Variants in RABGAP1L observed in about 807,000 individuals in gnomAD.
RABGAP1L encodes rab GTPase-activating protein 1-like.
RABGAP1L carries 63 observed loss-of-function variants against 137.7 expected under a neutral mutation model. That is an observed-to-expected ratio of 0.46 (90% CI 0.37 to 0.56). RABGAP1L has a LOEUF of 0.56. Ranked by LOEUF, RABGAP1L falls within the 20% of genes least tolerant of loss-of-function variation. RABGAP1L has a pLI of 0.00. For synonymous variants in RABGAP1L, 431 were observed against 433.7 expected (o/e 0.99, Z 0.08); for missense variants, 1,095 against 1,244.0 (o/e 0.88, Z 1.80).
intron 1 of RABGAP1L, among the ~76,000 whole-genome samples, chr1:174,214,828 AAAAC>A (rs1669162152): frequency 6.6e-6 from 1 of 152,206 alleles, no homozygotes; most frequent in African/African-American, 2.4e-5. Context: ...ATCATGTACA[AAAAC>A]AAAATTAAAA....
chr1:174,437,094 G>A (rs1653445459), intron 13 of RABGAP1L, among the ~76,000 whole-genome samples: 1 of 152,100 alleles, frequency 6.6e-6, no homozygotes, highest in South Asian at 2.1e-4. Flanking sequence ...AAGACCAAAG[G>A]TAGATAAAAC....
At chr1:174,186,998 A>C (rs991586339) in intron 1 of RABGAP1L, among the ~76,000 whole-genome samples, 1 of 152,148 alleles carries the variant, frequency 6.6e-6, no homozygotes, top group Non-Finnish European at 1.5e-5. Context: ...TTCGAAATCT[A>C]CTTATCCTTA....
chr1:174,653,358 A>G (rs569581112), intron 14 of RABGAP1L, among the ~76,000 whole-genome samples: 217 of 152,180 alleles, frequency 1.4e-3, no homozygotes, highest in Non-Finnish European at 2.6e-3. Context: ...TCCTGCAGCT[A>G]GCTTGGTGTC....
chr1:174,413,238 T>C (rs1367802420), intron 13 of RABGAP1L, among the ~76,000 whole-genome samples: 2 of 152,182 alleles, frequency 1.3e-5, no homozygotes, highest in East Asian at 3.8e-4. Context: ...TTCCTCAACA[T>C]GGTCTCTTCT....
intron 13 of RABGAP1L, among the ~76,000 whole-genome samples, chr1:174,451,754 T>C (rs1000682241): frequency 2.0e-5 from 3 of 152,206 alleles, no homozygotes; most frequent in Non-Finnish European, 4.4e-5. Flanking sequence ...TCTTGTCTTG[T>C]GATATCTTTT....
At chr1:174,800,382 C>G (rs964422668) in intron 18 of RABGAP1L, 1 of 1,550,668 alleles carries the variant, frequency 6.4e-7, no homozygotes, top group Non-Finnish European at 8.7e-7. Flanking sequence ...CTCACACCTC[C>G]TGTCAAAAAG....
chr1:174,238,195 A>T (rs1254531986), intron 4 of RABGAP1L, among the ~76,000 whole-genome samples: 1 of 151,928 alleles, frequency 6.6e-6, no homozygotes, highest in Non-Finnish European at 1.5e-5. Flanking sequence ...AAAGTTTTCA[A>T]CTTCTTTGCC....
chr1:174,536,536 C>T (rs1664905824), intron 13 of RABGAP1L, among the ~76,000 whole-genome samples: 2 of 151,654 alleles, frequency 1.3e-5, no homozygotes, highest in South Asian at 2.1e-4. Context: ...GCTTTTTTTC[C>T]TTTAAAGAAA....
At chr1:174,632,033 G>A (rs1250997362) in intron 13 of RABGAP1L, among the ~76,000 whole-genome samples, 1 of 116,134 alleles carries the variant, frequency 8.6e-6, no homozygotes, top group Non-Finnish European at 1.8e-5. Context: ...GGCTGGTACC[G>A]GTTGTTCCTT....
chr1:174,494,655 A>G (rs1305129596), intron 13 of RABGAP1L, among the ~76,000 whole-genome samples: 1 of 152,190 alleles, frequency 6.6e-6, no homozygotes, highest in African/African-American at 2.4e-5. Flanking sequence ...AATTCCTAAC[A>G]GCCAAAATCT....
intron 19 of RABGAP1L, among the ~76,000 whole-genome samples, chr1:174,889,506 G>A (rs1159617143): frequency 1.3e-5 from 2 of 151,950 alleles, no homozygotes; most frequent in African/African-American, 4.8e-5. Flanking sequence ...CTGCAGCCTC[G>A]AACTCCTGGG....
chr1:174,556,504 C>G (rs1398836311), intron 13 of RABGAP1L, among the ~76,000 whole-genome samples: 2 of 152,110 alleles, frequency 1.3e-5, no homozygotes, highest in Non-Finnish European at 2.9e-5. Flanking sequence ...TTCCCTCTTC[C>G]CCATCCTGTA....
intron 13 of RABGAP1L, among the ~76,000 whole-genome samples, chr1:174,588,800 A>C (rs745326317): frequency 6.6e-6 from 1 of 152,118 alleles, no homozygotes; most frequent in African/African-American, 2.4e-5. Context: ...TTATGGCTGA[A>C]TAGTACTCCA....
chr1:174,888,383 C>T (rs774382408), intron 19 of RABGAP1L, among the ~76,000 whole-genome samples: 1 of 152,174 alleles, frequency 6.6e-6, no homozygotes, highest in African/African-American at 2.4e-5. Flanking sequence ...CTGATACTGT[C>T]TGAGACACAA....
chr1:174,902,495 T>A (rs766667159), intron 19 of RABGAP1L, among the ~76,000 whole-genome samples: 48 of 152,194 alleles, frequency 3.2e-4, no homozygotes, highest in Non-Finnish European at 3.8e-4. Context: ...TATATACAGA[T>A]GGATTTCCCA....
At position 174,765,019 on chromosome 1, in the gene RABGAP1L, G is replaced by A. The variant is rs188113876; in HGVS notation, c.2211+12665G>A. On this transcript the variant is annotated intron_variant, in intron 18 of 25. Coordinates refer to ENST00000681986, the MANE Select transcript of RABGAP1L (RefSeq NM_001366446.1). Reference sequence around the variant, plus strand: ...TGTCAATCTCATCTGTCCGTGTCAGGTAAACTACTGTCAATCTCATCTGTC... The same window carrying A: ...TGTCAATCTCATCTGTCCGTGTCAGATAAACTACTGTCAATCTCATCTGTC... Among the ~76,000 whole-genome samples, 7 of 152,174 alleles carry A rather than the reference G, an allele frequency of 4.6e-5. No homozygotes were observed. The East Asian group carries it at 5.8e-4, about 13-fold the overall frequency.
intron 18 of RABGAP1L, among the ~76,000 whole-genome samples, chr1:174,801,477 T>G (rs999664412): frequency 1.3e-5 from 2 of 152,230 alleles, no homozygotes; most frequent in Non-Finnish European, 2.9e-5. Context: ...TGTATTTACA[T>G]GCAAATATAA....
At position 174,355,055 on chromosome 1, in the gene RABGAP1L, T is replaced by C. The variant is rs757723993; in HGVS notation, c.1466-15924T>C. On this transcript the variant is annotated intron_variant, in intron 11 of 25. Transcript: ENST00000681986. The stretch of plus-strand genomic sequence containing the variant: ...TCAACCATTGTGGAAGTCAGTGTGG[T>C]GATTCCTCAGGGATCTAGAACTAGA... 5.3e-5 allele frequency among the ~76,000 whole-genome samples: 8 copies of C among 152,210 alleles called. No homozygotes were observed. The Middle Eastern group carries it at 0.014, about 259-fold the overall frequency.
At chr1:174,856,515 T>C (rs762826727) in intron 19 of RABGAP1L, among the ~76,000 whole-genome samples, 2 of 152,248 alleles carry the variant, frequency 1.3e-5, no homozygotes, top group Middle Eastern at 3.4e-3. Flanking sequence ...CAATTACACA[T>C]TGGAATACCT....
Sources: allele counts gnomAD v4.1 joint callset (sites outside exome capture counted in the v4.1 genomes callset), GRCh38; gene constraint gnomAD v4.1.1; transcripts MANE v1.5; gene names NCBI Gene and HGNC (gene_info 2026-07-23, HGNC 2026-07-21).